The following PCDHGA6 variants were observed in gnomAD, a reference collection of about 807,000 sequenced individuals.
The protein encoded by PCDHGA6 is protocadherin gamma-A6.
In PCDHGA6, 41 loss-of-function variants were observed where a neutral mutation model predicts 60.6. The observed-to-expected ratio is 0.68, with a 90% confidence interval of 0.53 to 0.88. The LOEUF (loss-of-function observed/expected upper bound fraction) is 0.88. Ranked by LOEUF, PCDHGA6 falls within the 40% of genes least tolerant of loss-of-function variation. PCDHGA6 has a pLI of 0.00. For synonymous variants in PCDHGA6, 594 were observed against 524.4 expected (o/e 1.13, Z -1.81); for missense variants, 1,312 against 1,203.0 (o/e 1.09, Z -1.34).
chr5:141,470,671 C>T (rs2099236433), intron 1 of PCDHGA6, among the ~76,000 whole-genome samples: 1 of 152,064 alleles, frequency 6.6e-6, no homozygotes, highest in African/African-American at 2.4e-5. Context: ...TAGGGCTCTG[C>T]TGTTACCATC....
intron 1 of PCDHGA6, chr5:141,383,361 A>C: frequency 6.2e-7 from 1 of 1,614,022 alleles, no homozygotes; most frequent in Non-Finnish European, 8.5e-7. Flanking sequence ...GGTTTCCGTT[A>C]AGCGAGGCTG....
At chr5:141,393,143 T>G in intron 1 of PCDHGA6, 1 of 1,613,290 alleles carries the variant, frequency 6.2e-7, no homozygotes, top group Non-Finnish European at 8.5e-7. Context: ...ACACCCTGGT[T>G]GAGGATAAAG....
intron 1 of PCDHGA6, chr5:141,389,414 G>A (rs2091750366): frequency 6.2e-7 from 1 of 1,613,464 alleles, no homozygotes; most frequent in Non-Finnish European, 8.5e-7. Context: ...CGGAGAGCGG[G>A]GTGGTGTTCG....
chr5:141,385,490 G>A, intron 1 of PCDHGA6: 15 of 1,399,988 alleles, frequency 1.1e-5, no homozygotes, highest in East Asian at 2.6e-5. Context: ...AGAACACATA[G>A]GATATAGTAT....
At chr5:141,409,617 C>A (rs2095293168) in intron 1 of PCDHGA6, 1 of 1,613,748 alleles carries the variant, frequency 6.2e-7, no homozygotes, top group South Asian at 1.1e-5. Context: ...GCCTCCATTG[C>A]GCAAGTGAGC....
chr5:141,395,809 A>T (rs1448942836), intron 1 of PCDHGA6: 1 of 152,108 alleles, frequency 6.6e-6, no homozygotes, highest in Non-Finnish European at 1.5e-5. Flanking sequence ...CCTTCAAAAC[A>T]TGAACAAACT....
chr5:141,408,125 C>T, intron 1 of PCDHGA6: 1 of 1,478,650 alleles, frequency 6.8e-7, no homozygotes, highest in South Asian at 1.4e-5. Context: ...CTGTCCTGGG[C>T]CGAATGCTCT....
At chr5:141,474,426 C>T (rs2099349464) in intron 1 of PCDHGA6, among the ~76,000 whole-genome samples, 1 of 152,198 alleles carries the variant, frequency 6.6e-6, no homozygotes, top group Non-Finnish European at 1.5e-5. Context: ...ACCATTGGTC[C>T]TCACACTTTG....
chr5:141,405,176 G>A (rs917679696), intron 1 of PCDHGA6: 3 of 1,614,068 alleles, frequency 1.9e-6, no homozygotes, highest in Non-Finnish European at 2.5e-6. Context: ...ACACTTTGTG[G>A]GTGTAGATGG....
intron 1 of PCDHGA6, chr5:141,468,632 C>G (rs1385644482): frequency 6.6e-6 from 1 of 151,628 alleles, no homozygotes; most frequent in Non-Finnish European, 1.5e-5. Context: ...TTTGGGAGGC[C>G]GAGGTGGGCG....
At chr5:141,413,080 A>G (rs2095603656) in intron 1 of PCDHGA6, 3 of 1,298,546 alleles carry the variant, frequency 2.3e-6, no homozygotes, top group Non-Finnish European at 3.2e-6. Context: ...TGCCCAGGCT[A>G]CAGAGACACC....
chr5:141,492,911 G>A (rs1008138353), intron 1 of PCDHGA6, among the ~76,000 whole-genome samples: 1 of 152,216 alleles, frequency 6.6e-6, no homozygotes, highest in Admixed American at 6.5e-5. Context: ...TGATCACAAT[G>A]TGCCCAGCGA....
intron 1 of PCDHGA6, chr5:141,395,187 T>C: frequency 6.2e-7 from 1 of 1,614,162 alleles, no homozygotes; most frequent in Non-Finnish European, 8.5e-7. Flanking sequence ...TGATTCTTTG[T>C]TAACATCCGT....
At position 141,432,673 on chromosome 5, in the gene PCDHGA6, C is replaced by A. The variant is rs770930842; in HGVS notation, c.2424+56166C>A. 5 of 1,613,922 alleles carry A rather than the reference C, an allele frequency of 3.1e-6. No homozygotes were observed. Among genetic ancestry groups the A allele is most frequent in the Non-Finnish European group, 4.2e-6 (5 of 1,179,960 alleles). On this transcript the variant is annotated intron_variant, in intron 1 of 3. Coordinates refer to ENST00000517434, the MANE Select transcript of PCDHGA6 (RefSeq NM_018919.3). This position sits in a 1 kb window ranked among gnomAD's most constrained non-coding sequence, Gnocchi z 6.0. ...GAGCCCTGCTGGACAGAGACGCGCTCAAGCAGAGCCTCGTAGTGGCCGTCC... is the reference window on the plus strand; with the variant it reads ...GAGCCCTGCTGGACAGAGACGCGCTAAAGCAGAGCCTCGTAGTGGCCGTCC...
In PCDHGA6 at chr5:141,376,072, C is replaced by T. The variant is rs755171325; in HGVS notation, c.1989C>T (p.Ala663=). 6.8e-6 allele frequency: 11 copies of T among 1,613,380 alleles called. No individual in the cohort carries two copies. Among genetic ancestry groups the T allele is most frequent in the South Asian group, 6.6e-5 (6 of 91,054 alleles). Residue 663 remains alanine, a synonymous_variant, in exon 1 of 4, where the codon GCC becomes GCT. Coordinates refer to ENST00000517434, the MANE Select transcript of PCDHGA6 (RefSeq NM_018919.3). ...CCGCCACTGTCACGCTCACCGTGGC[C>T]GTGGCCGACAGGATCCCCGACATCC... ...PLSATVTLTV[A]VADRIPDILA...
At chr5:141,382,123 T>C (rs1431842426) in intron 1 of PCDHGA6, among the ~76,000 whole-genome samples, 1 of 152,126 alleles carries the variant, frequency 6.6e-6, no homozygotes, top group Non-Finnish European at 1.5e-5. Context: ...CAACAGCACC[T>C]GGCCCCCCCT....
chr5:141,465,643 C>T (rs561758040), intron 1 of PCDHGA6, among the ~76,000 whole-genome samples: 2 of 152,306 alleles, frequency 1.3e-5, no homozygotes, highest in East Asian at 3.9e-4. Flanking sequence ...ATGCTTTGAA[C>T]ATCCCAAAAA....
intron 1 of PCDHGA6, chr5:141,405,463 A>C: frequency 8.5e-7 from 1 of 1,181,354 alleles, no homozygotes. Flanking sequence ...TCTGTTACCC[A>C]GGCTGGAATG....
At chr5:141,409,830 G>T in intron 1 of PCDHGA6, 1 of 1,611,250 alleles carries the variant, frequency 6.2e-7, no homozygotes, top group South Asian at 1.1e-5. Flanking sequence ...CCCACGCTCA[G>T]CGCCAACGTG....
Sources: gnomAD v4.1 joint callset for allele counts (sites outside exome capture counted in the v4.1 genomes callset) on GRCh38, gnomAD v4.1.1 for gene constraint, Gnocchi (gnomAD v3.1) non-coding constraint, MANE v1.5 for transcripts, NCBI Gene and HGNC (gene_info 2026-07-23, HGNC 2026-07-21) for gene names.